MID1: variants seen among roughly 807,000 people sequenced by gnomAD.
MID1 encodes midline 1, also known as E3 ubiquitin-protein ligase Midline-1.
In MID1, 7 loss-of-function variants were observed where a neutral mutation model predicts 40.4. That is an observed-to-expected ratio of 0.17 (90% CI 0.10 to 0.33). The LOEUF (loss-of-function observed/expected upper bound fraction) is 0.33. MID1 is among the 10% of genes least tolerant of loss of function. The pLI is 1.00. For missense variants in MID1, 367 were observed against 558.5 expected (o/e 0.66, Z 3.46); for synonymous variants, 229 against 221.2 (o/e 1.04, Z -0.31).
chrX:10,716,759 G>A (rs1159878921), intron 1 of MID1, among the ~76,000 whole-genome samples: 3 of 111,512 alleles, frequency 2.7e-5, no homozygotes, highest in African/African-American at 9.8e-5. Flanking sequence ...CACCAAAGTT[G>A]AAATGAAGGA....
At chrX:10,761,706 G>A (rs918965365) in intron 1 of MID1, among the ~76,000 whole-genome samples, 1 of 112,203 alleles carries the variant, frequency 8.9e-6, no homozygotes, top group Non-Finnish European at 1.9e-5. Context: ...CTCTCCCCAT[G>A]CCAAGCCCAG....
chrX:10,659,819 T>G (rs1034348288), intron 1 of MID1, among the ~76,000 whole-genome samples: 5 of 111,821 alleles, frequency 4.5e-5, no homozygotes, highest in African/African-American at 1.6e-4. Flanking sequence ...ACAATGCCAT[T>G]GAGTGTGGGG....
chrX:10,592,334 G>A (rs1286834619), intron 1 of MID1, among the ~76,000 whole-genome samples: 1 of 100,507 alleles, frequency 9.9e-6, no homozygotes, highest in East Asian at 3.2e-4. Flanking sequence ...CTATTTGAGG[G>A]GTTTTTTTCT....
intron 1 of MID1, among the ~76,000 whole-genome samples, chrX:10,806,891 G>A (rs2044052112): frequency 9.0e-6 from 1 of 110,817 alleles, no homozygotes; most frequent in African/African-American, 3.3e-5. Flanking sequence ...AGATGGGGAG[G>A]GAATTATTTT....
intron 1 of MID1, among the ~76,000 whole-genome samples, chrX:10,588,128 G>A (rs1027634328): frequency 1.1e-4 from 12 of 111,775 alleles, no homozygotes; most frequent in Middle Eastern, 4.3e-3. Context: ...TACAATTAAC[G>A]TCTCAAAACT....
At chrX:10,570,380 TATA>T (rs1569110040) in intron 1 of MID1, among the ~76,000 whole-genome samples, 1 of 112,403 alleles carries the variant, frequency 8.9e-6, no homozygotes, top group African/African-American at 3.2e-5. Flanking sequence ...TATTTTTCTT[TATA>T]ATATTTATCA....
At chrX:10,602,333 C>T (rs973910654) in intron 1 of MID1, among the ~76,000 whole-genome samples, 11 of 107,109 alleles carry the variant, frequency 1.0e-4, no homozygotes, top group African/African-American at 3.8e-4. Flanking sequence ...ATACAATTCA[C>T]ACATTACAAA....
At chrX:10,673,876 T>C (rs10284027) in intron 1 of MID1, among the ~76,000 whole-genome samples, 17,680 of 110,938 alleles carry the variant, frequency 0.16, 2,325 homozygotes, top group African/African-American at 0.44. Flanking sequence ...AATGATAACA[T>C]GCTTGTAAAG....
chrX:10,802,208 A>AAAAC (rs959926800), intron 1 of MID1, among the ~76,000 whole-genome samples: 2 of 111,627 alleles, frequency 1.8e-5, no homozygotes, highest in Non-Finnish European at 3.8e-5. Context: ...AAACAAAACA[A>AAAAC]AAACAAACAA....
chrX:10,602,705 T>C (rs7057047), intron 1 of MID1, among the ~76,000 whole-genome samples: 9,998 of 112,233 alleles, frequency 0.089, 710 homozygotes, highest in African/African-American at 0.24. Context: ...ATACAATATC[T>C]TCTGGGTTTT....
intron 1 of MID1, among the ~76,000 whole-genome samples, chrX:10,796,030 G>T (rs1202934957): frequency 8.9e-6 from 1 of 111,984 alleles, no homozygotes; most frequent in Non-Finnish European, 1.9e-5. Context: ...CTGTAAGTTT[G>T]CTCACCAAGA....
At chrX:10,673,284 G>T (rs897238867) in intron 1 of MID1, among the ~76,000 whole-genome samples, 2 of 111,273 alleles carry the variant, frequency 1.8e-5, no homozygotes, top group African/African-American at 6.5e-5. Flanking sequence ...GGCTGTGTCG[G>T]TATAGAAACC....
chrX:10,749,545 TAAAG>T (rs1021078317), intron 1 of MID1, among the ~76,000 whole-genome samples: 1 of 112,144 alleles, frequency 8.9e-6, no homozygotes, highest in African/African-American at 3.2e-5. Context: ...TGCATTGCTA[TAAAG>T]AAATACCTGA....
At chrX:10,787,282 C>A (rs2043892512) in intron 1 of MID1, among the ~76,000 whole-genome samples, 1 of 109,877 alleles carries the variant, frequency 9.1e-6, no homozygotes. Context: ...TTAACTGAAA[C>A]ACCAAACTGT....
At chrX:10,727,997 T>G (rs1360557222) in intron 1 of MID1, among the ~76,000 whole-genome samples, 8 of 112,430 alleles carry the variant, frequency 7.1e-5, no homozygotes, top group Non-Finnish European at 1.5e-4. Context: ...AATATTTTCT[T>G]AAAACCCCAA....
At chrX:10,590,303 T>C (rs1390973451) in intron 1 of MID1, among the ~76,000 whole-genome samples, 1 of 111,217 alleles carries the variant, frequency 9.0e-6, no homozygotes, top group East Asian at 2.8e-4. Context: ...TATAAAACAA[T>C]ATACAACAAT....
At chrX:10,763,244 A>G (rs1201588839) in intron 1 of MID1, among the ~76,000 whole-genome samples, 1 of 108,900 alleles carries the variant, frequency 9.2e-6, no homozygotes, top group Non-Finnish European at 1.9e-5. Context: ...TACATGTGCC[A>G]TGTTAGTGTG....
intron 1 of MID1, among the ~76,000 whole-genome samples, chrX:10,578,124 G>C (rs968311918): frequency 8.9e-6 from 1 of 112,612 alleles, no homozygotes; most frequent in African/African-American, 3.2e-5. Flanking sequence ...TGCTTCACAT[G>C]TTAGGACATA....
At chrX:10,796,413 G>GTTTTT (rs60292194) in intron 1 of MID1, among the ~76,000 whole-genome samples, 1 of 86,700 alleles carries the variant, frequency 1.2e-5, no homozygotes, top group African/African-American at 4.4e-5. Flanking sequence ...AGAAAATTCA[G>GTTTTT]TTTTTTTTTT....
Sources: gnomAD v4.1 joint callset for allele counts (sites outside exome capture counted in the v4.1 genomes callset) on GRCh38, gnomAD v4.1.1 for gene constraint, MANE v1.5 for transcripts, NCBI Gene and HGNC (gene_info 2026-07-23, HGNC 2026-07-21) for gene names.